SORCS1: variants seen among roughly 807,000 people sequenced by gnomAD.
SORCS1 encodes the protein sortilin related VPS10 domain containing receptor 1, also known as VPS10 domain-containing receptor SorCS1.
Under a neutral mutation model 146.1 loss-of-function variants are expected in SORCS1, and 60 were observed. The observed-to-expected ratio is 0.41, with a 90% CI of 0.33 to 0.51. The LOEUF is 0.51. SORCS1 is among the 20% of genes least tolerant of loss of function. The pLI is 0.21. For missense variants in SORCS1, 1,352 were observed against 1,487.6 expected, an observed-to-expected ratio of 0.91 and a Z score of 1.50; for synonymous variants, 637 against 584.0, an observed-to-expected ratio of 1.09 and a Z score of -1.31.
intron 5 of SORCS1, among the ~76,000 whole-genome samples, chr10:106,731,454 C>T (rs1230383633): frequency 3.9e-5 from 6 of 152,104 alleles, no homozygotes; most frequent in Non-Finnish European, 2.9e-5. Flanking sequence ...CTCATTTCCT[C>T]GCCCCTCTGT....
At chr10:106,763,176 C>A (rs893367720) in intron 4 of SORCS1, among the ~76,000 whole-genome samples, 2 of 152,162 alleles carry the variant, frequency 1.3e-5, no homozygotes, top group African/African-American at 4.8e-5. Context: ...AGGCTGAACT[C>A]ATATACATGC....
intron 5 of SORCS1, among the ~76,000 whole-genome samples, chr10:106,756,546 G>T (rs1213184856): frequency 6.6e-6 from 1 of 152,146 alleles, no homozygotes; most frequent in East Asian, 1.9e-4. Flanking sequence ...GACCACTGTT[G>T]CTGTCAGTTA....
At chr10:107,008,204 G>T (rs978682116) in intron 1 of SORCS1, among the ~76,000 whole-genome samples, 1 of 152,100 alleles carries the variant, frequency 6.6e-6, no homozygotes, top group African/African-American at 2.4e-5. Flanking sequence ...AGAGTTGCCA[G>T]TATTTTTCAT....
At chr10:107,014,253 CAAAA>C (rs562179526) in intron 1 of SORCS1, among the ~76,000 whole-genome samples, 74 of 79,340 alleles carry the variant, frequency 9.3e-4, no homozygotes, top group East Asian at 1.4e-3. Context: ...GACCCTGCGT[CAAAA>C]AAAAAAAAAA....
chr10:106,611,842 T>C, intron 22 of SORCS1, 69 bp downstream of exon 22: 3 of 1,217,324 alleles, frequency 2.5e-6, no homozygotes, highest in Non-Finnish European at 1.2e-6. Context: ...AAAGCTCCCC[T>C]TTCTGTGAAA....
At chr10:107,158,582 G>A (rs1463516241) in intron 1 of SORCS1, among the ~76,000 whole-genome samples, 3 of 152,198 alleles carry the variant, frequency 2.0e-5, no homozygotes, top group Non-Finnish European at 4.4e-5. Context: ...TCTGTCCTCA[G>A]AGAACGTACA....
At chr10:106,855,195 C>T (rs1021215237) in intron 2 of SORCS1, among the ~76,000 whole-genome samples, 7 of 152,164 alleles carry the variant, frequency 4.6e-5, no homozygotes, top group African/African-American at 1.7e-4. Flanking sequence ...AATATTTCAT[C>T]CCACTCTCTT....
intron 2 of SORCS1, among the ~76,000 whole-genome samples, chr10:106,861,171 G>A (rs1001769026): frequency 2.0e-5 from 3 of 152,150 alleles, no homozygotes; most frequent in African/African-American, 7.2e-5. Flanking sequence ...GCCGAGGCAG[G>A]CAGATTGCCT....
chr10:106,760,167 G>A (rs1356153643), intron 5 of SORCS1, among the ~76,000 whole-genome samples: 6 of 152,050 alleles, frequency 3.9e-5, no homozygotes, highest in Non-Finnish European at 7.4e-5. Context: ...GGAAGAGGCC[G>A]GGCGTGATGG....
At chr10:107,033,198 T>A (rs1408219767) in intron 1 of SORCS1, among the ~76,000 whole-genome samples, 1 of 152,014 alleles carries the variant, frequency 6.6e-6, no homozygotes, top group Non-Finnish European at 1.5e-5. Flanking sequence ...AGAAGGGAAG[T>A]GCCACACACT....
At chr10:106,860,925 T>A (rs1210862740) in intron 2 of SORCS1, among the ~76,000 whole-genome samples, 2 of 152,154 alleles carry the variant, frequency 1.3e-5, no homozygotes, top group Non-Finnish European at 2.9e-5. Flanking sequence ...TACTGCAGAC[T>A]TCCCCCCAGT....
At chr10:106,746,654 T>A (rs1857765982) in intron 5 of SORCS1, among the ~76,000 whole-genome samples, 3 of 152,246 alleles carry the variant, frequency 2.0e-5, no homozygotes, top group African/African-American at 7.2e-5. Context: ...TTATTTTTGA[T>A]TTATTCATAA....
At position 106,897,127 on chromosome 10, in the gene SORCS1, C is replaced by T. The variant is rs1951520285; in HGVS notation, c.626+59386G>A. On this transcript the variant is annotated intron_variant, in intron 2 of 25. Coordinates refer to ENST00000263054, the MANE Select transcript of SORCS1 (RefSeq NM_052918.5). Reference sequence around the variant, plus strand: ...TGATCTCCTGACCTCGTGATCCGCCCACCTCGGCCTCCCAAAGTGCTGGGA... The same window carrying T: ...TGATCTCCTGACCTCGTGATCCGCCTACCTCGGCCTCCCAAAGTGCTGGGA... 2.0e-5 allele frequency among the ~76,000 whole-genome samples: 3 copies of T among 151,916 alleles called. 1 individual carries two copies. Among genetic ancestry groups the T allele is most frequent in the Admixed American group, 2.0e-4 (3 of 15,246 alleles).
intron 1 of SORCS1, among the ~76,000 whole-genome samples, chr10:107,016,945 C>T (rs764268856): frequency 1.4e-4 from 21 of 152,202 alleles, no homozygotes; most frequent in Non-Finnish European, 2.8e-4. Context: ...AAAACACAAA[C>T]GAAAATCACA....
At chr10:106,987,903 TTTTC>T (rs1208696924) in intron 1 of SORCS1, among the ~76,000 whole-genome samples, 9 of 152,158 alleles carry the variant, frequency 5.9e-5, no homozygotes, top group African/African-American at 2.2e-4. Context: ...CTAGGAAGAT[TTTTC>T]TTTTCTTTTC....
At chr10:106,918,563 GGGGAGACA>G (rs1174405432) in intron 2 of SORCS1, among the ~76,000 whole-genome samples, 5 of 152,072 alleles carry the variant, frequency 3.3e-5, no homozygotes, top group African/African-American at 1.2e-4. Context: ...ACTGAAGAGA[GGGGAGACA>G]GGGAGACAGG....
chr10:106,698,009 T>G (rs368412796), intron 9 of SORCS1, among the ~76,000 whole-genome samples: 24 of 152,176 alleles, frequency 1.6e-4, no homozygotes, highest in African/African-American at 5.5e-4. Context: ...ATGAAAAAGT[T>G]TGCAATGCAT....
In SORCS1 at chr10:106,652,535, G is replaced by A. The variant is rs1262982594; in HGVS notation, c.2322C>T (p.Ser774=). ...CCCTTACGCCATCAGTGCAATTATT[G>A]GAAACCACCTTCCTGTACCTAAATG... ...LNSTGYRKVV[S]NNCTDGVREQ... The change falls in exon 18 of 26, where the codon TCC becomes TCT. Residue 774 remains serine (S), a synonymous_variant. Transcript: ENST00000263054. 1 of 1,613,242 alleles carries A rather than the reference G, an allele frequency of 6.2e-7. No homozygotes were observed. The highest frequency in any genetic ancestry group is 8.5e-7 in the Non-Finnish European group (1 of 1,179,448).
intron 14 of SORCS1, among the ~76,000 whole-genome samples, chr10:106,674,771 G>A (rs1373863564): frequency 1.3e-5 from 2 of 152,064 alleles, no homozygotes; most frequent in Non-Finnish European, 2.9e-5. Flanking sequence ...ACATATCCAG[G>A]TTCTTTATTA....
Sources: allele counts gnomAD v4.1 joint callset (sites outside exome capture counted in the v4.1 genomes callset), GRCh38; gene constraint gnomAD v4.1.1; transcripts MANE v1.5; gene names NCBI Gene and HGNC (gene_info 2026-07-23, HGNC 2026-07-21).